OPCML: variants seen among roughly 807,000 people sequenced by gnomAD.
The protein encoded by OPCML is opioid binding protein/cell adhesion molecule like.
Under a neutral mutation model 37.8 loss-of-function variants are expected in OPCML, and 13 were observed. That is an observed-to-expected ratio of 0.34 (90% confidence interval 0.22 to 0.55). OPCML has a LOEUF of 0.55. OPCML is among the 20% of genes least tolerant of loss of function. OPCML has a pLI of 0.91. For synonymous variants in OPCML, 176 were observed against 168.8 expected, an observed-to-expected ratio of 1.04 and a Z score of -0.33; for missense variants, 341 against 435.6, an observed-to-expected ratio of 0.78 and a Z score of 1.93.
At chr11:132,655,928 A>G (rs1941683863) in intron 3 of OPCML, among the ~76,000 whole-genome samples, 1 of 147,618 alleles carries the variant, frequency 6.8e-6, no homozygotes, top group South Asian at 2.2e-4. Context: ...TGCCATACAC[A>G]TTTCACAAAC....
At chr11:133,139,776 C>T (rs7119950) in intron 1 of OPCML, among the ~76,000 whole-genome samples, 98,699 of 151,982 alleles carry the variant, frequency 0.65, 33,731 homozygotes, top group East Asian at 0.76. Context: ...ACTTCCCATT[C>T]GGATCAGTCA....
intron 4 of OPCML, among the ~76,000 whole-genome samples, chr11:132,449,447 A>C (rs887994308): frequency 2.0e-5 from 3 of 152,086 alleles, no homozygotes; most frequent in African/African-American, 7.2e-5. Flanking sequence ...CTGAGGGTAC[A>C]CTTCAAATGC....
Position 132,970,210 on chromosome 11 carries a change from A to T in OPCML, c.62-27200T>A, listed in dbSNP as rs188186419. Among the ~76,000 whole-genome samples, 13 of 152,296 alleles carry T rather than the reference A, an allele frequency of 8.5e-5. 1 individual carries two copies. The highest frequency in any genetic ancestry group is 1.6e-4 in the Non-Finnish European group (11 of 68,030). On this transcript the variant is annotated intron_variant, in intron 1 of 7. Coordinates refer to ENST00000524381, the MANE Select transcript of OPCML (RefSeq NM_001012393.5). Reference sequence around the variant, plus strand: ...GCTTCATTATGTGTTTTCAAAATACATGTTTTTCACTTTTAAATTCATTTT... The same window carrying T: ...GCTTCATTATGTGTTTTCAAAATACTTGTTTTTCACTTTTAAATTCATTTT...
At chr11:132,521,344 G>A (rs1028232068) in intron 4 of OPCML, among the ~76,000 whole-genome samples, 4 of 152,104 alleles carry the variant, frequency 2.6e-5, no homozygotes, top group South Asian at 2.1e-4. Flanking sequence ...TCACTCTGAT[G>A]CTGGTTTATT....
In OPCML at chr11:133,421,586, T is replaced by G. The variant is rs564664398; in HGVS notation, c.61+110678A>C. The G allele has an allele frequency of 3.1e-5, 31 of 985,426 alleles. No homozygotes were observed. The South Asian group carries it at 1.1e-3, about 36-fold the overall frequency. The allele number at this position is 985,426 out of a possible 1,614,324, so 61.0% of individuals were successfully genotyped here. On this transcript the variant is annotated intron_variant, in intron 1 of 7. Transcript: ENST00000524381. ...CAGCAACAGAGATAAAATTGAAAAC[T>G]GGGAGTTTCAACCTCTATAACCATT...
intron 2 of OPCML, among the ~76,000 whole-genome samples, chr11:132,777,364 C>A (rs1946841124): frequency 1.3e-5 from 2 of 152,114 alleles, no homozygotes; most frequent in South Asian, 4.1e-4. Context: ...ATGAACATTA[C>A]TTTTTTATGT....
chr11:132,437,427 A>T (rs2096017014), intron 4 of OPCML, 68 bp from the exon 5 acceptor site: 1 of 1,577,338 alleles, frequency 6.3e-7, no homozygotes, highest in African/African-American at 1.4e-5. Context: ...CCATATTCAC[A>T]TCTAGAGATT....
At chr11:133,119,313 A>T (rs1406923188) in intron 1 of OPCML, among the ~76,000 whole-genome samples, 1 of 152,086 alleles carries the variant, frequency 6.6e-6, no homozygotes, top group African/African-American at 2.4e-5. Context: ...AGATGTATCT[A>T]GTATATAATA....
intron 1 of OPCML, among the ~76,000 whole-genome samples, chr11:133,104,803 A>G (rs1385578609): frequency 2.6e-5 from 4 of 152,208 alleles, no homozygotes; most frequent in Non-Finnish European, 5.9e-5. Flanking sequence ...TTTTGTATCT[A>G]AAAGTGGATT....
chr11:133,127,066 G>A (rs1045890739), intron 1 of OPCML, among the ~76,000 whole-genome samples: 3 of 152,100 alleles, frequency 2.0e-5, no homozygotes, highest in African/African-American at 4.8e-5. Context: ...TATAATGAGA[G>A]TATCTGTAAA....
At chr11:132,479,150 G>T (rs993613556) in intron 4 of OPCML, among the ~76,000 whole-genome samples, 4 of 152,280 alleles carry the variant, frequency 2.6e-5, no homozygotes, top group Non-Finnish European at 4.4e-5. Flanking sequence ...GGGAGTGCCA[G>T]ACAGTGGGCT....
intron 1 of OPCML, among the ~76,000 whole-genome samples, chr11:133,140,733 C>CGACGACGACGACGAGGAAGAAGAA (rs1949771470): frequency 2.2e-5 from 1 of 45,870 alleles, no homozygotes; most frequent in Admixed American, 2.6e-4. Flanking sequence ...AAGACGACGA[C>CGACGACGACGACGAGGAAGAAGAA]GACGACGACG....
At chr11:133,398,081 C>A (rs554100023) in intron 1 of OPCML, among the ~76,000 whole-genome samples, 1 of 152,330 alleles carries the variant, frequency 6.6e-6, no homozygotes, top group Admixed American at 6.5e-5. Context: ...CAAGGAGACA[C>A]CCCATCAGCT....
chr11:133,523,828 G>C lies in OPCML; in HGVS notation c.61+8436C>G, dbSNP rs77133980. ...CTCTTCCTTTGGTCTTTGCTCTTGG[G>C]TGTGGATAATTTCTACTCCTCCTCC... On this transcript the variant is annotated intron_variant, in intron 1 of 7. Coordinates refer to ENST00000524381, the MANE Select transcript of OPCML (RefSeq NM_001012393.5). Among the ~76,000 whole-genome samples, 1,415 of 152,236 alleles carry C rather than the reference G, an allele frequency of 9.3e-3. 24 individuals carry two copies. The highest frequency in any genetic ancestry group is 0.032 in the African/African-American group (1,340 of 41,540).
rs563097517 is a variant in OPCML at position 133,315,545 on chromosome 11, T to A, written c.61+216719A>T. On this transcript the variant is annotated intron_variant, in intron 1 of 7. Transcript: ENST00000524381. ...TGGGTGTGGTGGCTCACGCCTATAA[T>A]CCCAGCACTTTGGAAGGCCAAAGCG... Among the ~76,000 whole-genome samples, 3 of 152,358 alleles carry A rather than the reference T, an allele frequency of 2.0e-5. No individual in the cohort carries two copies. The South Asian group carries it at 6.2e-4, about 32-fold the overall frequency.
chr11:132,594,370 T>C (rs746154465), intron 3 of OPCML, among the ~76,000 whole-genome samples: 6 of 152,126 alleles, frequency 3.9e-5, no homozygotes, highest in Non-Finnish European at 8.8e-5. Flanking sequence ...TGTCAATAAA[T>C]CACTAAATTT....
At chr11:133,318,459 C>A (rs774994622) in intron 1 of OPCML, among the ~76,000 whole-genome samples, 1 of 152,174 alleles carries the variant, frequency 6.6e-6, no homozygotes, top group East Asian at 1.9e-4. Context: ...TAGTTAGAAT[C>A]GCCATGACCC....
At chr11:133,096,853 T>A (rs1949011166) in intron 1 of OPCML, among the ~76,000 whole-genome samples, 1 of 152,104 alleles carries the variant, frequency 6.6e-6, no homozygotes. Context: ...CAGCAATCTT[T>A]ACTGTGTGTG....
intron 1 of OPCML, among the ~76,000 whole-genome samples, chr11:133,015,435 G>GGAAGGAAGGAAGGAAGGAAT (rs1565398929): frequency 9.4e-6 from 1 of 106,372 alleles, no homozygotes; most frequent in East Asian, 2.4e-4. Flanking sequence ...AAGGAATGAA[G>GGAAGGAAGGAAGGAAGGAAT]GAAGGAAGGA....
Sources: gnomAD v4.1 joint callset for allele counts (sites outside exome capture counted in the v4.1 genomes callset) on GRCh38, gnomAD v4.1.1 for gene constraint, MANE v1.5 for transcripts, NCBI Gene and HGNC (gene_info 2026-07-23, HGNC 2026-07-21) for gene names.